PRIMPOL: variants seen among roughly 807,000 people sequenced by gnomAD.
PRIMPOL encodes the protein DNA-directed primase/polymerase protein.
PRIMPOL carries 54 observed loss-of-function variants against 63.6 expected under a neutral mutation model. The observed-to-expected ratio is 0.85, with a 90% CI of 0.68 to 1.07. PRIMPOL has a LOEUF of 1.07. Ranked by LOEUF, PRIMPOL falls within the 50% of genes least tolerant of loss-of-function variation. The pLI is 0.00. For synonymous variants in PRIMPOL, 197 were observed against 220.2 expected (o/e 0.89, Z 0.93); for missense variants, 610 against 648.3 (o/e 0.94, Z 0.64).
In PRIMPOL at chr4:184,680,550, A is replaced by G. The variant is rs192382235; in HGVS notation, c.1008-1698A>G. ...TAATTTTAGTAATTGTCTAAAATAC[A>G]TTGCTGTAGGTATCAGGTTGTACAG... is the stretch of plus-strand genomic sequence containing the variant. On this transcript the variant is annotated intron_variant, in intron 8 of 13. Transcript: ENST00000314970. Among the ~76,000 whole-genome samples the G allele has an allele frequency of 3.5e-4, 54 of 152,318 alleles. No individual in the cohort carries two copies. In the East Asian group the frequency reaches 0.01, roughly 29 times the overall value.
rs746107606 is a variant in PRIMPOL at position 184,682,299 on chromosome 4, A to G, written c.1059A>G (p.Gln353=). ...ILTCEPSQNK[Q]KGVGYFNSIG... ...CATGTGAGCCATCTCAGAATAAACA[A>G]AAAGGAGTTGGATATTTTAACAGTA... Residue 353 remains glutamine (Q), a synonymous_variant, in exon 9 of 14, where the codon CAA becomes CAG. Coordinates refer to ENST00000314970, the MANE Select transcript of PRIMPOL (RefSeq NM_152683.4). The G allele has an allele frequency of 5.6e-6, 9 of 1,604,604 alleles. No individual in the cohort carries two copies. The highest frequency in any genetic ancestry group is 6.8e-6 in the Non-Finnish European group (8 of 1,172,068).
intron 1 of PRIMPOL, among the ~76,000 whole-genome samples, chr4:184,650,343 G>A (rs763377395): frequency 1.3e-5 from 2 of 152,246 alleles, no homozygotes; most frequent in Non-Finnish European, 2.9e-5. Context: ...GGTTTGGGCC[G>A]AGAGGTCCTT....
At chr4:184,682,491 G>A (rs1392893114) in intron 9 of PRIMPOL, among the ~76,000 whole-genome samples, 155 bp downstream of exon 9, 1 of 151,962 alleles carries the variant, frequency 6.6e-6, no homozygotes, top group Non-Finnish European at 1.5e-5. Flanking sequence ...GGGTTTACAG[G>A]TGTGCACCAT....
In PRIMPOL at chr4:184,659,246, G is replaced by C. The variant is rs1281382257; in HGVS notation, c.181-94G>C. 3.4e-6 allele frequency: 3 copies of C among 891,606 alleles called. No homozygotes were observed. The East Asian group carries it at 7.4e-5, about 22-fold the overall frequency. The allele number at this position is 891,606 out of a possible 1,614,324, so 55.2% of individuals were successfully genotyped here. A position where few individuals can be genotyped will look rare whatever the true frequency, so the allele number is the denominator to read the frequency against. ...TTCAAATTACAGTTTCTGAAAACTT[G>C]AATGAAAAATTCTTTATGAACATTC... is the stretch of plus-strand genomic sequence containing the variant. On this transcript the variant is annotated intron_variant, in intron 3 of 13. Coordinates refer to ENST00000314970, the MANE Select transcript of PRIMPOL (RefSeq NM_152683.4).
At chr4:184,652,520 G>C (rs1579250520) in intron 2 of PRIMPOL, among the ~76,000 whole-genome samples, 1 of 152,090 alleles carries the variant, frequency 6.6e-6, no homozygotes, top group Non-Finnish European at 1.5e-5. Flanking sequence ...AGTGACTGAA[G>C]TGGGAGAAAA....
chr4:184,683,979 A>G (rs1756343982), intron 9 of PRIMPOL, among the ~76,000 whole-genome samples: 1 of 151,792 alleles, frequency 6.6e-6, no homozygotes, highest in Non-Finnish European at 1.5e-5. Context: ...ACAAGCTTTA[A>G]AATATGGATA....
chr4:184,675,213 T>C (rs948616169), intron 7 of PRIMPOL, among the ~76,000 whole-genome samples: 1 of 152,248 alleles, frequency 6.6e-6, no homozygotes, highest in African/African-American at 2.4e-5. Context: ...GTTAATCTTA[T>C]GCAGTTATGA....
intron 6 of PRIMPOL, among the ~76,000 whole-genome samples, chr4:184,671,276 G>A (rs373184528): frequency 6.6e-6 from 1 of 152,260 alleles, no homozygotes; most frequent in East Asian, 1.9e-4. Flanking sequence ...AGCAGCCTAG[G>A]GGCTGACGGC....
chr4:184,651,860 G>A (rs953488737), intron 1 of PRIMPOL, among the ~76,000 whole-genome samples, 163 bp from the exon 2 acceptor site: 5 of 152,220 alleles, frequency 3.3e-5, no homozygotes, highest in Admixed American at 2.0e-4. Flanking sequence ...TGTTGGCCAG[G>A]CTGGTCTCGA....
At chr4:184,657,367 CTTCT>C (rs1746762609) in intron 3 of PRIMPOL, 47 bp downstream of exon 3, 2 of 1,292,854 alleles carry the variant, frequency 1.5e-6, no homozygotes, top group Admixed American at 2.6e-5. Context: ...TCCACTTCCT[CTTCT>C]TTCTTCTTCT....
chr4:184,672,185 G>GA lies in PRIMPOL; in HGVS notation c.574dup (p.Ile192AsnfsTer7). 1 of 1,604,328 alleles carries GA rather than the reference G, an allele frequency of 6.2e-7. No individual in the cohort carries two copies. The highest frequency in any genetic ancestry group is 1.3e-5 in the African/African-American group (1 of 74,116). ...CTTTTTTCCTTAGGTAATTTTTTGA[G>GA]AAAAATTTTGCAGCCTGCTCTTGAC... On this transcript the variant is annotated frameshift_variant, in exon 7 of 14. Transcript: ENST00000314970. LOFTEE classifies it high-confidence loss of function.
In PRIMPOL at chr4:184,691,484, TTTTTA is replaced by T; in HGVS notation, c.1296-14_1296-10del. The T allele has an allele frequency of 6.6e-7, 1 of 1,513,206 alleles. No individual in the cohort carries two copies. The highest frequency in any genetic ancestry group is 9.0e-7 in the Non-Finnish European group (1 of 1,106,224). The allele number at this position is 1,513,206 out of a possible 1,614,324, so 93.7% of individuals were successfully genotyped here. A position where few individuals can be genotyped will look rare whatever the true frequency, so the allele number is the denominator to read the frequency against. On this transcript the variant is annotated splice_polypyrimidine_tract_variant and intron_variant, in intron 11 of 13. Transcript: ENST00000314970. Reference sequence around the variant, plus strand: ...TCTTGGTATTAATACTTTTTTTTTTTTTTTAAACATAAAGGATTCTGGTTGATCTG... The same window carrying T: ...TCTTGGTATTAATACTTTTTTTTTTTAACATAAAGGATTCTGGTTGATCTG...
At chr4:184,657,363 TC>T (rs1434334470) in intron 3 of PRIMPOL, 43 bp downstream of exon 3, 5 of 1,375,556 alleles carry the variant, frequency 3.6e-6, no homozygotes, top group Non-Finnish European at 5.0e-6. Context: ...CTCTTCCACT[TC>T]CTCTTCTTTC....
intron 7 of PRIMPOL, among the ~76,000 whole-genome samples, chr4:184,676,371 TTCCCTTCCCTTCCTTTCCCTTCCCTTCCC>T (rs1753384120): frequency 4.5e-5 from 1 of 22,292 alleles, no homozygotes; most frequent in Non-Finnish European, 9.6e-5. Context: ...CTCCTTTCCC[TTCCCTTCCCTTCCTTTCCCTTCCCTTCCC>T]CCTTCCCTTC....
chr4:184,664,872 A>C (rs1420730676), intron 5 of PRIMPOL, among the ~76,000 whole-genome samples: 1 of 152,198 alleles, frequency 6.6e-6, no homozygotes, highest in Non-Finnish European at 1.5e-5. Flanking sequence ...AGAGAAAAAG[A>C]GTATGTAGGG....
chr4:184,674,547 A>G (rs1331255105), intron 7 of PRIMPOL, among the ~76,000 whole-genome samples: 4 of 152,192 alleles, frequency 2.6e-5, no homozygotes, highest in Admixed American at 6.5e-5. Flanking sequence ...CTCTTCAACA[A>G]TGCAGGGCTT....
At chr4:184,681,794 A>C (rs1457806611) in intron 8 of PRIMPOL, among the ~76,000 whole-genome samples, 1 of 152,070 alleles carries the variant, frequency 6.6e-6, no homozygotes, top group Non-Finnish European at 1.5e-5. Context: ...GGCTGGTCTC[A>C]AACTCCTGAC....
At chr4:184,679,227 T>A (rs1754949693) in intron 8 of PRIMPOL, among the ~76,000 whole-genome samples, 1 of 152,230 alleles carries the variant, frequency 6.6e-6, no homozygotes, top group South Asian at 2.1e-4. Context: ...TTCCATTATA[T>A]TGACACTGGA....
intron 6 of PRIMPOL, among the ~76,000 whole-genome samples, chr4:184,669,212 C>G (rs1433123349): frequency 6.6e-6 from 1 of 152,202 alleles, no homozygotes; most frequent in Non-Finnish European, 1.5e-5. Flanking sequence ...TTGTTTACTC[C>G]TTACAGCAAC....
Sources: gnomAD v4.1 joint callset for allele counts (sites outside exome capture counted in the v4.1 genomes callset) on GRCh38, gnomAD v4.1.1 for gene constraint, MANE v1.5 for transcripts, NCBI Gene and HGNC (gene_info 2026-07-23, HGNC 2026-07-21) for gene names.